SLC41A2: variants seen among roughly 807,000 people sequenced by gnomAD.
The protein encoded by SLC41A2 is SLC41A1-like 1.
Under a neutral mutation model 58.3 loss-of-function variants are expected in SLC41A2, and 32 were observed. The observed-to-expected ratio is 0.55, with a 90% confidence interval of 0.41 to 0.74. The LOEUF (loss-of-function observed/expected upper bound fraction) is 0.74, where lower values mean the gene tolerates loss of function less well. Among genes scored for constraint, SLC41A2 ranks in the 30% least tolerant of loss-of-function variants. The pLI is 0.00. For missense variants in SLC41A2, 514 were observed against 680.6 expected (o/e 0.76, Z 2.72); for synonymous variants, 190 against 235.0 (o/e 0.81, Z 1.75).
intron 1 of SLC41A2, among the ~76,000 whole-genome samples, chr12:104,956,605 G>A (rs774155987): frequency 1.2e-4 from 18 of 152,236 alleles, no homozygotes; most frequent in East Asian, 1.9e-4. Context: ...CTTGAACCCC[G>A]GAGGTGGAGG....
chr12:104,872,952 T>C (rs1323312286), intron 6 of SLC41A2, among the ~76,000 whole-genome samples: 2 of 152,208 alleles, frequency 1.3e-5, no homozygotes, highest in African/African-American at 4.8e-5. Flanking sequence ...GTTAGATATA[T>C]AGTTAAGTGG....
intron 1 of SLC41A2, among the ~76,000 whole-genome samples, chr12:104,948,506 TA>T (rs370686442): frequency 8.5e-5 from 13 of 152,126 alleles, no homozygotes; most frequent in African/African-American, 2.7e-4. Flanking sequence ...TTATCTTTTG[TA>T]AAAAAAACCT....
In SLC41A2 at chr12:104,802,013, A is replaced by G. The variant is rs2040724941; in HGVS notation, c.*3139T>C. Reference sequence around the variant, plus strand: ...GCAGAACCCCGTTATAAATGGGTACACTATACCATAGATATAAGGCAAGGA... The same window carrying G: ...GCAGAACCCCGTTATAAATGGGTACGCTATACCATAGATATAAGGCAAGGA... On this transcript the variant is annotated 3_prime_UTR_variant, in exon 11 of 11. Coordinates refer to ENST00000258538, the MANE Select transcript of SLC41A2 (RefSeq NM_001352171.3). 6.6e-6 allele frequency among the ~76,000 whole-genome samples: 1 copy of G among 152,158 alleles called. No homozygotes were observed. The highest frequency in any genetic ancestry group is 1.5e-5 in the Non-Finnish European group (1 of 68,026).
rs75156626 is a variant in SLC41A2 at position 104,912,068 on chromosome 12, C to T, written c.556-2306G>A. On this transcript the variant is annotated intron_variant, in intron 2 of 10. Transcript: ENST00000258538. ...TTTAGACTCACTCACTTAATCTTCA[C>T]AACAAACCTAAGAGATAGGTATGAT... 8.4e-3 allele frequency among the ~76,000 whole-genome samples: 1,280 copies of T among 152,314 alleles called. 37 individuals are homozygous for T. The East Asian group carries it at 0.11, about 14-fold the overall frequency.
At chr12:104,834,274 A>G in intron 10 of SLC41A2, 1 of 690,606 alleles carries the variant, frequency 1.4e-6, no homozygotes, top group South Asian at 6.4e-5. Context: ...ACATAACAAA[A>G]ATGCAATCAC....
chr12:104,894,460 T>C (rs558375912), intron 4 of SLC41A2, among the ~76,000 whole-genome samples: 34 of 152,212 alleles, frequency 2.2e-4, no homozygotes, highest in African/African-American at 6.7e-4. Context: ...TTATAAACTG[T>C]TTAATGTTAC....
chr12:104,830,736 G>A (rs570025152), intron 10 of SLC41A2, among the ~76,000 whole-genome samples: 6 of 152,010 alleles, frequency 3.9e-5, no homozygotes, highest in African/African-American at 1.4e-4. Flanking sequence ...TCTAAATAAA[G>A]TATTTAAAAA....
intron 1 of SLC41A2, among the ~76,000 whole-genome samples, chr12:104,949,937 G>A (rs1437268054): frequency 6.6e-6 from 1 of 152,076 alleles, no homozygotes; most frequent in South Asian, 2.1e-4. Context: ...GGGGAGGTGG[G>A]GAGGGGAGAG....
chr12:104,957,303 A>G (rs1444165820), intron 1 of SLC41A2, among the ~76,000 whole-genome samples: 2 of 152,260 alleles, frequency 1.3e-5, no homozygotes, highest in Non-Finnish European at 2.9e-5. Context: ...GCTTCCATTT[A>G]TATGAGATTT....
chr12:104,945,449 G>A lies in SLC41A2; in HGVS notation c.-168+12639C>T, dbSNP rs546278952. Reference sequence around the variant, plus strand: ...CAGGAGGTGGAGCTTGCAGTGAGCCGAGATCGCACCACTGCACTCTAGCAT... The same window carrying A: ...CAGGAGGTGGAGCTTGCAGTGAGCCAAGATCGCACCACTGCACTCTAGCAT... On this transcript the variant is annotated intron_variant, in intron 1 of 10. Coordinates refer to ENST00000258538, the MANE Select transcript of SLC41A2 (RefSeq NM_001352171.3). Among the ~76,000 whole-genome samples, 12 of 151,912 alleles carry A rather than the reference G, an allele frequency of 7.9e-5. No individual in the cohort carries two copies. The East Asian group carries it at 1.4e-3, about 17-fold the overall frequency.
At chr12:104,935,538 A>C (rs1486833491) in intron 1 of SLC41A2, among the ~76,000 whole-genome samples, 2 of 152,212 alleles carry the variant, frequency 1.3e-5, no homozygotes, top group African/African-American at 4.8e-5. Context: ...TGTCAATAAA[A>C]ATATCAAGCA....
chr12:104,837,631 A>G (rs1028189930), intron 10 of SLC41A2, among the ~76,000 whole-genome samples: 36 of 152,138 alleles, frequency 2.4e-4, no homozygotes, highest in African/African-American at 8.2e-4. Flanking sequence ...AGAATAAATA[A>G]GAAGAGTTCT....
intron 6 of SLC41A2, among the ~76,000 whole-genome samples, chr12:104,869,462 T>A (rs1211053763): frequency 1.3e-5 from 2 of 152,150 alleles, no homozygotes; most frequent in Non-Finnish European, 2.9e-5. Context: ...TGAATCCAGA[T>A]AAAGAGTATG....
At chr12:104,933,648 C>T (rs2047152199) in intron 1 of SLC41A2, among the ~76,000 whole-genome samples, 1 of 151,696 alleles carries the variant, frequency 6.6e-6, no homozygotes, top group Non-Finnish European at 1.5e-5. Context: ...AAGTGCCCAT[C>T]AATGAATTAG....
chr12:104,886,469 G>T, intron 5 of SLC41A2, 30 bp from the exon 6 acceptor site: 13 of 1,602,576 alleles, frequency 8.1e-6, no homozygotes, highest in Non-Finnish European at 1.0e-5. Flanking sequence ...TTACTTTTTA[G>T]GCTATGATTT....
intron 10 of SLC41A2, among the ~76,000 whole-genome samples, chr12:104,813,506 A>G (rs79855588): frequency 0.018 from 2,752 of 152,290 alleles, 102 homozygotes; most frequent in African/African-American, 0.062. Context: ...CAAACAAAAT[A>G]TAGGGATAAA....
intron 2 of SLC41A2, among the ~76,000 whole-genome samples, chr12:104,910,620 G>C (rs950472643): frequency 3.3e-5 from 5 of 152,182 alleles, no homozygotes; most frequent in Admixed American, 1.3e-4. Context: ...GGTCAGACAT[G>C]CCTCATTATA....
rs1023474621 is a variant in SLC41A2 at position 104,801,997 on chromosome 12, C to T, written c.*3155G>A. Among the ~76,000 whole-genome samples, 3 of 151,978 alleles carry T rather than the reference C, an allele frequency of 2.0e-5. No homozygotes were observed. Among genetic ancestry groups the T allele is most frequent in the East Asian group, 1.9e-4 (1 of 5,196 alleles). On this transcript the variant is annotated 3_prime_UTR_variant, in exon 11 of 11. Coordinates refer to ENST00000258538, the MANE Select transcript of SLC41A2 (RefSeq NM_001352171.3). ...AAACAATTCGAAGATGGCAGAACCC[C>T]GTTATAAATGGGTACACTATACCAT...
At chr12:104,821,980 C>T (rs866021845) in intron 10 of SLC41A2, among the ~76,000 whole-genome samples, 20 of 152,096 alleles carry the variant, frequency 1.3e-4, no homozygotes, top group South Asian at 2.1e-4. Context: ...GTTACACCTG[C>T]CATGGACACT....
Sources: gnomAD v4.1 joint callset for allele counts (sites outside exome capture counted in the v4.1 genomes callset) on GRCh38, gnomAD v4.1.1 for gene constraint, MANE v1.5 for transcripts, NCBI Gene and HGNC (gene_info 2026-07-23, HGNC 2026-07-21) for gene names.